Variants in SHOX observed in about 807,000 individuals in gnomAD.
The protein encoded by SHOX is SHOX homeobox, also known as short stature homeobox protein.
A neutral mutation model predicts 29.6 loss-of-function variants in SHOX; 12 were observed. The ratio of observed to expected loss-of-function variants is 0.41; its 90% CI spans 0.26 to 0.66. The LOEUF (loss-of-function observed/expected upper bound fraction) is 0.66. Ranked by LOEUF, SHOX falls within the 30% of genes least tolerant of loss-of-function variation. The pLI, the probability that SHOX is intolerant of heterozygous loss-of-function variation, is 0.35. For missense variants in SHOX, 499 were observed against 437.7 expected, an observed-to-expected ratio of 1.14 and a Z score of -1.25; for synonymous variants, 214 against 200.6, an observed-to-expected ratio of 1.07 and a Z score of -0.57.
In SHOX at chrX:651,524, C is replaced by T. The variant is rs768849693; in HGVS notation, c.*6888C>T. ...GCAACAGACTGTATTTTTGTGACGC[C>T]CCGTAGTATGAATGTACATCTTGTA... On this transcript the variant is annotated 3_prime_UTR_variant, in exon 5 of 5. Coordinates refer to ENST00000686671, the MANE Select transcript of SHOX (RefSeq NM_000451.4). 2.6e-6 allele frequency: 1 copy of T among 390,912 alleles called. No homozygotes were observed. Among genetic ancestry groups the T allele is most frequent in the East Asian group, 7.3e-5 (1 of 13,752 alleles). The allele number at this position is 390,912 out of a possible 1,614,324, so 24.2% of individuals were successfully genotyped here. A position where few individuals can be genotyped will look rare whatever the true frequency, so the allele number is the denominator to read the frequency against.
At chrX:625,156 TC>T (rs1569491814) in intron 1 of SHOX, among the ~76,000 whole-genome samples, 1 of 144,760 alleles carries the variant, frequency 6.9e-6, no homozygotes, top group East Asian at 2.1e-4. Flanking sequence ...ATTTCTTTCC[TC>T]TTCCTTCCCC....
In SHOX at chrX:644,757, C is replaced by T; in HGVS notation, c.*121C>T. The T allele has an allele frequency of 7.7e-7, 1 of 1,292,050 alleles. No homozygotes were observed. Among genetic ancestry groups the T allele is most frequent in the South Asian group, 2.0e-5 (1 of 50,702 alleles). 80.0% of individuals were successfully genotyped at this position (1,292,050 alleles called of 1,614,324 possible). The stretch of plus-strand genomic sequence containing the variant: ...CGCGGCCACCGTGCTCCGGGCACCC[C>T]GGGAGCTCCTGCAAGAGGCCTGAGG... On this transcript the variant is annotated 3_prime_UTR_variant, in exon 5 of 5. Coordinates refer to ENST00000686671, the MANE Select transcript of SHOX (RefSeq NM_000451.4).
intron 4 of SHOX, among the ~76,000 whole-genome samples, chrX:642,538 G>T (rs770656959): frequency 6.6e-6 from 1 of 152,358 alleles, no homozygotes; most frequent in South Asian, 2.1e-4. Flanking sequence ...AGGCCCGAAG[G>T]AGAGGGGTCC....
chrX:631,933 A>T (rs1429758484), intron 1 of SHOX: 1 of 456,050 alleles, frequency 2.2e-6, no homozygotes, highest in East Asian at 7.0e-5. Flanking sequence ...GCGCCTTCCC[A>T]GCGCTCAGCG....
intron 2 of SHOX, among the ~76,000 whole-genome samples, chrX:635,414 G>C (rs1327836940): frequency 1.3e-5 from 2 of 152,168 alleles, no homozygotes; most frequent in African/African-American, 2.4e-5. Context: ...TCCCTAGGTG[G>C]AGAGAAACAG....
intron 1 of SHOX, among the ~76,000 whole-genome samples, chrX:624,840 TTCCTCTCTTCC>T (rs1276156287): frequency 7.3e-5 from 10 of 137,928 alleles, no homozygotes; most frequent in African/African-American, 2.7e-4. Context: ...CCTTCCTTCC[TTCCTCTCTTCC>T]TCTTTCTTTC....
At chrX:644,205 G>C in intron 4 of SHOX, 186 bp from the exon 5 acceptor site, 1 of 394,342 alleles carries the variant, frequency 2.5e-6, no homozygotes, top group African/African-American at 2.2e-5. Flanking sequence ...GATGCATCCA[G>C]TGGCAGCGCC....
intron 1 of SHOX, 118 bp from the exon 2 acceptor site, chrX:634,500 G>A (rs2052706125): frequency 9.2e-7 from 1 of 1,087,062 alleles, no homozygotes; most frequent in Non-Finnish European, 1.4e-6. Context: ...CGCAGTTTTT[G>A]CGTCAAAGCG....
intron 2 of SHOX, among the ~76,000 whole-genome samples, chrX:640,384 C>T (rs747785973): frequency 6.6e-6 from 1 of 151,490 alleles, no homozygotes; most frequent in Admixed American, 6.6e-5. Flanking sequence ...AAGAGACCAG[C>T]CTGGCCAACA....
At chrX:633,054 C>T (rs2052678134) in intron 1 of SHOX, among the ~76,000 whole-genome samples, 1 of 152,134 alleles carries the variant, frequency 6.6e-6, no homozygotes, top group Admixed American at 6.5e-5. Context: ...GGAGAGGAGA[C>T]AGAGAGTCCC....
Position 641,217 on chromosome X carries a change from G to C in SHOX, c.633+130G>C, listed in dbSNP as rs1287218728. On this transcript the variant is annotated intron_variant, in intron 4 of 4. Coordinates refer to ENST00000686671, the MANE Select transcript of SHOX (RefSeq NM_000451.4). ...CTGCAGACTTCTCAGCTGGCCCTTA[G>C]AAAAAAAGCCTCTTTTCCGAGGAGG... 5.4e-6 allele frequency: 5 copies of C among 923,632 alleles called. No individual in the cohort carries two copies. In the South Asian group the frequency reaches 5.5e-5, roughly 10 times the overall value. The allele number at this position is 923,632 out of a possible 1,614,324, so 57.2% of individuals were successfully genotyped here. A position where few individuals can be genotyped will look rare whatever the true frequency, so the allele number is the denominator to read the frequency against.
Position 644,533 on chromosome X carries a change from CCGCCGCCGTGGT to C in SHOX, c.785_796del (p.Val262_Ala265del), listed in dbSNP as rs1484458345. The C allele has an allele frequency of 8.6e-6, 13 of 1,517,656 alleles. No individual in the cohort carries two copies. The Admixed American group carries it at 1.2e-4, about 14-fold the overall frequency. The allele number at this position is 1,517,656 out of a possible 1,614,324, so 94.0% of individuals were successfully genotyped here. ...GCGTCGCTGGCCGAGTCCGCCTCGGCCGCCGCCGTGGTCGCCGCCGCCGCCAAAAGCAACAGC... is the reference window on the plus strand; with the variant it reads ...GCGTCGCTGGCCGAGTCCGCCTCGGCCGCCGCCGCCGCCAAAAGCAACAGC... On this transcript the variant is annotated inframe_deletion, in exon 5 of 5. Transcript: ENST00000686671.
rs1269170279 is a variant in SHOX, at chrX:634,673, G to A, written c.333G>A (p.Gly111=). ...ACGTGAAGTCGGAGGACGAGGACGG[G>A]CAGACCAAGCTGAAACAGAGGCGCA... ...REDVKSEDED[G]QTKLKQRRSR... Residue 111 remains glycine (G), a synonymous_variant, in exon 2 of 5, where the codon GGG becomes GGA. Transcript: ENST00000686671. The A allele has an allele frequency of 3.1e-6, 5 of 1,613,914 alleles. No individual in the cohort carries two copies. Among genetic ancestry groups the A allele is most frequent in the Non-Finnish European group, 3.4e-6 (4 of 1,179,864 alleles).
At chrX:655,594 CTCTCTCTCTCTCTCTCTCTCTA>C (rs2053129345), downstream of SHOX, among the ~76,000 whole-genome samples, 1 of 61,562 alleles carries the variant, frequency 1.6e-5, no homozygotes, top group African/African-American at 6.7e-5. Context: ...CTCTCTCTCT[CTCTCTCTCTCTCTCTCTCTCTA>C]TATATATATA....
chrX:638,662 T>C (rs1460809319), intron 2 of SHOX, among the ~76,000 whole-genome samples: 1 of 152,136 alleles, frequency 6.6e-6, no homozygotes, highest in Non-Finnish European at 1.5e-5. Flanking sequence ...CCGTGTTGGG[T>C]TCAAGAGCAA....
rs1273496549 is a variant in SHOX at position 644,662 on chromosome X, C to T, written c.*26C>T. ...CCCGCCGCGCAGCCCCCCGCGCGCCCGGACTCCCGGGCTCCGCGCACCCCG... is the reference window on the plus strand; with the variant it reads ...CCCGCCGCGCAGCCCCCCGCGCGCCTGGACTCCCGGGCTCCGCGCACCCCG... On this transcript the variant is annotated 3_prime_UTR_variant, in exon 5 of 5. Coordinates refer to ENST00000686671, the MANE Select transcript of SHOX (RefSeq NM_000451.4). The T allele has an allele frequency of 7.2e-5, 103 of 1,426,720 alleles. No individual in the cohort carries two copies. In the Middle Eastern group the frequency reaches 1.8e-3, roughly 24 times the overall value. 88.4% of individuals were successfully genotyped at this position (1,426,720 alleles called of 1,614,324 possible).
At chrX:653,199 C>T (rs1226942831), downstream of SHOX, among the ~76,000 whole-genome samples, 1 of 152,100 alleles carries the variant, frequency 6.6e-6, no homozygotes, top group East Asian at 1.9e-4. Flanking sequence ...CGAGATCGCG[C>T]CATTGCACTC....
chrX:635,866 GA>G (rs2052737609), intron 2 of SHOX, among the ~76,000 whole-genome samples: 1 of 149,054 alleles, frequency 6.7e-6, no homozygotes, highest in African/African-American at 2.6e-5. Context: ...GGGAGAGAGA[GA>G]GAGAGAGAGA....
chrX:640,836 C>T lies in SHOX; in HGVS notation c.502C>T (p.Arg168Trp), dbSNP rs137852557. 4.3e-6 allele frequency: 7 copies of T among 1,613,848 alleles called. No individual in the cohort carries two copies. The highest frequency in any genetic ancestry group is 1.1e-5 in the South Asian group (1 of 91,064). The change falls in exon 3 of 5, where the codon CGG (arginine) becomes TGG (tryptophan). Residue 168 changes from arginine (R) to tryptophan (W), a missense_variant. Coordinates refer to ENST00000686671, the MANE Select transcript of SHOX (RefSeq NM_000451.4). ...TCTCCCCAAGGTTTGGTTCCAGAAC[C>T]GGAGAGCCAAGTGCCGCAAACAAGA... is the stretch of plus-strand genomic sequence containing the variant. ...EARVQVWFQN[R>W]RAKCRKQENQ... is the part of the protein sequence containing the mutation.
Sources: allele counts gnomAD v4.1 joint callset (sites outside exome capture counted in the v4.1 genomes callset), GRCh38; gene constraint gnomAD v4.1.1; transcripts MANE v1.5; gene names NCBI Gene and HGNC (gene_info 2026-07-23, HGNC 2026-07-21).